Variants in RAD51B observed in about 807,000 individuals in gnomAD.
RAD51B encodes DNA repair protein RAD51 homolog 2.
Under a neutral mutation model 42.2 loss-of-function variants are expected in RAD51B, and 38 were observed. The ratio of observed to expected loss-of-function variants is 0.90; its 90% CI spans 0.70 to 1.18. The LOEUF is 1.18. Among genes scored for constraint, RAD51B ranks in the 50% most tolerant of loss-of-function variants. The pLI, the probability that RAD51B is intolerant of heterozygous loss-of-function variation, is 0.00. For missense variants in RAD51B, 373 were observed against 400.7 expected, an observed-to-expected ratio of 0.93 and a Z score of 0.59; for synonymous variants, 154 against 145.2, an observed-to-expected ratio of 1.06 and a Z score of -0.43.
chr14:67,897,651 CTT>C (rs869311369), intron 7 of RAD51B, among the ~76,000 whole-genome samples: 15 of 141,422 alleles, frequency 1.1e-4, no homozygotes, highest in African/African-American at 1.0e-4. Flanking sequence ...CCCTTGTTCA[CTT>C]TTTTTTTTTT....
chr14:68,063,293 A>G (rs1468973177), intron 7 of RAD51B, among the ~76,000 whole-genome samples: 4 of 151,908 alleles, frequency 2.6e-5, no homozygotes, highest in Non-Finnish European at 4.4e-5. Flanking sequence ...GCCAAATCTC[A>G]TGTTGAATTG....
intron 8 of RAD51B, among the ~76,000 whole-genome samples, chr14:68,370,734 G>A (rs2331693): frequency 0.45 from 67,989 of 152,020 alleles, 16,890 homozygotes; most frequent in South Asian, 0.59. Context: ...CAGATTGAAT[G>A]TGAAGTGTAT....
chr14:68,221,760 T>C (rs1327391439), intron 7 of RAD51B, among the ~76,000 whole-genome samples: 1 of 151,616 alleles, frequency 6.6e-6, no homozygotes, highest in Non-Finnish European at 1.5e-5. Flanking sequence ...ACCCACAGAG[T>C]GGGAGAAAAT....
intron 7 of RAD51B, among the ~76,000 whole-genome samples, chr14:67,918,592 C>T (rs1261711459): frequency 6.6e-6 from 1 of 152,142 alleles, no homozygotes; most frequent in Non-Finnish European, 1.5e-5. Context: ...TGAAGGACAT[C>T]TGTTTCTAAA....
chr14:68,506,643 G>A (rs910688230), intron 10 of RAD51B, among the ~76,000 whole-genome samples: 2 of 152,200 alleles, frequency 1.3e-5, no homozygotes, highest in African/African-American at 4.8e-5. Context: ...GCATGTGTCC[G>A]AGGCAGGGAG....
chr14:68,648,071 A>ACACACG (rs1892606880), intron 10 of RAD51B, among the ~76,000 whole-genome samples: 2 of 119,646 alleles, frequency 1.7e-5, no homozygotes, highest in Non-Finnish European at 3.6e-5. Flanking sequence ...GTATATATAT[A>ACACACG]TACACGTATA....
chr14:68,507,108 C>T (rs1259208903), intron 10 of RAD51B, among the ~76,000 whole-genome samples: 3 of 152,078 alleles, frequency 2.0e-5, no homozygotes. Context: ...CATCACCGCA[C>T]AGGTGCTCTT....
intron 8 of RAD51B, among the ~76,000 whole-genome samples, chr14:68,388,096 T>TATATATATATA (rs33934376): frequency 1.1e-5 from 1 of 92,098 alleles, no homozygotes. Flanking sequence ...ATATATATAT[T>TATATATATATA]TTTTTTTTTT....
intron 8 of RAD51B, among the ~76,000 whole-genome samples, chr14:68,401,155 C>T (rs1339562085): frequency 2.6e-5 from 4 of 152,206 alleles, no homozygotes; most frequent in African/African-American, 9.7e-5. Flanking sequence ...ATAAAGTGAG[C>T]ATGCTCACTG....
chr14:67,963,941 A>G (rs184162890), intron 7 of RAD51B, among the ~76,000 whole-genome samples: 1 of 152,032 alleles, frequency 6.6e-6, no homozygotes, highest in Non-Finnish European at 1.5e-5. Flanking sequence ...ACCATCTAGT[A>G]TATTTGCCTA....
intron 7 of RAD51B, among the ~76,000 whole-genome samples, chr14:67,988,391 G>A (rs548577173): frequency 2.0e-5 from 3 of 152,034 alleles, no homozygotes; most frequent in East Asian, 1.9e-4. Context: ...CATGGTAAGC[G>A]GAAGTTGCAA....
chr14:67,880,239 C>T (rs1448742316), intron 5 of RAD51B, among the ~76,000 whole-genome samples: 2 of 152,308 alleles, frequency 1.3e-5, no homozygotes, highest in African/African-American at 4.8e-5. Context: ...TTATCATTGG[C>T]AATAAATATT....
At chr14:68,640,839 G>A (rs1215548871) in intron 10 of RAD51B, among the ~76,000 whole-genome samples, 1 of 152,176 alleles carries the variant, frequency 6.6e-6, no homozygotes, top group Admixed American at 6.5e-5. Context: ...TTTCATCTAG[G>A]TGTATGTTGG....
intron 10 of RAD51B, among the ~76,000 whole-genome samples, chr14:68,644,486 G>A (rs1892526505): frequency 3.9e-5 from 6 of 152,220 alleles, no homozygotes; most frequent in Admixed American, 3.9e-4. Flanking sequence ...ACCATCTGCA[G>A]CATCTTTTCT....
intron 7 of RAD51B, among the ~76,000 whole-genome samples, chr14:68,233,746 G>A (rs2080191624): frequency 6.6e-6 from 1 of 152,176 alleles, no homozygotes; most frequent in Non-Finnish European, 1.5e-5. Context: ...ACAAGGGTGG[G>A]AGGAGCCCCA....
In RAD51B at chr14:67,878,911, G is replaced by A. The variant is rs140720548; in HGVS notation, c.453-6958G>A. 5.5e-4 allele frequency among the ~76,000 whole-genome samples: 83 copies of A among 152,132 alleles called. 1 individual carries two copies. In the East Asian group the frequency reaches 0.014, roughly 25 times the overall value. On this transcript the variant is annotated intron_variant, in intron 5 of 10. Coordinates refer to ENST00000471583, the MANE Select transcript of RAD51B (RefSeq NM_133510.4). ...ATTTTTAAATTAAAGACGGGGTTTC[G>A]CCATGTTGGCCAGGCTGGTCTCGAA... is the stretch of plus-strand genomic sequence containing the variant.
At chr14:68,056,346 C>G (rs933005081) in intron 7 of RAD51B, among the ~76,000 whole-genome samples, 2 of 151,816 alleles carry the variant, frequency 1.3e-5, no homozygotes, top group African/African-American at 4.8e-5. Flanking sequence ...ATGGGTTTTT[C>G]TCATGTTGGT....
At chr14:68,427,001 A>G (rs149502657) in intron 9 of RAD51B, among the ~76,000 whole-genome samples, 106 of 152,328 alleles carry the variant, frequency 7.0e-4, no homozygotes, top group African/African-American at 2.4e-3. Flanking sequence ...AAGCAGGCCC[A>G]GGTGTGACTC....
downstream of RAD51B, among the ~76,000 whole-genome samples, chr14:68,481,445 C>A (rs1883172689): frequency 6.6e-6 from 1 of 152,218 alleles, no homozygotes; most frequent in African/African-American, 2.4e-5. Flanking sequence ...GTGCCCTATA[C>A]CCAGTGTTTG....
Sources: allele counts gnomAD v4.1 joint callset (sites outside exome capture counted in the v4.1 genomes callset), GRCh38; gene constraint gnomAD v4.1.1; transcripts MANE v1.5; gene names NCBI Gene and HGNC (gene_info 2026-07-23, HGNC 2026-07-21).